NXPH1: variants seen among roughly 807,000 people sequenced by gnomAD.
NXPH1 encodes neurexophilin-1.
NXPH1 carries 5 observed loss-of-function variants against 23.7 expected under a neutral mutation model. That is an observed-to-expected ratio of 0.21 (90% CI 0.11 to 0.44). The LOEUF (loss-of-function observed/expected upper bound fraction) is 0.44. NXPH1 is among the 20% of genes least tolerant of loss of function. NXPH1 has a pLI of 0.99. For synonymous variants in NXPH1, 144 were observed against 122.2 expected, an observed-to-expected ratio of 1.18 and a Z score of -1.18; for missense variants, 324 against 321.6, an observed-to-expected ratio of 1.01 and a Z score of -0.06.
intron 2 of NXPH1, among the ~76,000 whole-genome samples, chr7:8,654,715 G>A (rs750103287): frequency 6.6e-6 from 1 of 152,114 alleles, no homozygotes; most frequent in African/African-American, 2.4e-5. Flanking sequence ...CATACTTTAT[G>A]TTTGGGAAGA....
Position 8,752,011 on chromosome 7 carries a change from A to C in NXPH1, c.*242A>C. 2.1e-6 allele frequency: 1 copy of C among 471,228 alleles called. No homozygotes were observed. Among genetic ancestry groups the C allele is most frequent in the South Asian group, 3.3e-5 (1 of 30,766 alleles). 29.2% of individuals were successfully genotyped at this position (471,228 alleles called of 1,614,324 possible). On this transcript the variant is annotated 3_prime_UTR_variant, in exon 3 of 3. Transcript: ENST00000405863. Reference sequence around the variant, plus strand: ...AATTCACACCTGAAGACATGCTCTCACATATAGAGGTACACAAACACACCG... The same window carrying C: ...AATTCACACCTGAAGACATGCTCTCCCATATAGAGGTACACAAACACACCG...
At chr7:8,678,396 T>C (rs1820987639) in intron 2 of NXPH1, among the ~76,000 whole-genome samples, 1 of 152,232 alleles carries the variant, frequency 6.6e-6, no homozygotes, top group East Asian at 1.9e-4. Context: ...CTCTCTTATG[T>C]ACCCTTTCCC....
intron 2 of NXPH1, among the ~76,000 whole-genome samples, chr7:8,682,002 G>A (rs1821057841): frequency 6.6e-6 from 1 of 152,168 alleles, no homozygotes; most frequent in African/African-American, 2.4e-5. Context: ...AGGAGGCAAG[G>A]GAGGAGAAAA....
At chr7:8,668,872 C>G (rs1244612498) in intron 2 of NXPH1, among the ~76,000 whole-genome samples, 2 of 151,686 alleles carry the variant, frequency 1.3e-5, no homozygotes, top group Non-Finnish European at 2.9e-5. Context: ...ACTCAGGGGT[C>G]TACTGTAGTT....
At chr7:8,666,158 C>T (rs1353378630) in intron 2 of NXPH1, among the ~76,000 whole-genome samples, 1 of 151,852 alleles carries the variant, frequency 6.6e-6, no homozygotes, top group Non-Finnish European at 1.5e-5. Flanking sequence ...GTTTTCACCA[C>T]TGAGTATGTT....
intron 2 of NXPH1, among the ~76,000 whole-genome samples, chr7:8,584,756 A>G (rs1483526143): frequency 1.3e-5 from 2 of 152,226 alleles, no homozygotes; most frequent in Non-Finnish European, 2.9e-5. Context: ...TGTGTTCACC[A>G]TTTAAACATC....
intron 2 of NXPH1, among the ~76,000 whole-genome samples, chr7:8,713,557 T>C: frequency 6.6e-6 from 1 of 152,078 alleles, no homozygotes; most frequent in East Asian, 1.9e-4. Context: ...TATATTGTAG[T>C]CTTTGCAACC....
rs944895995 is a variant in NXPH1 at position 8,439,097 on chromosome 7, C to A, written c.54+3330C>A. On this transcript the variant is annotated intron_variant, in intron 2 of 2. Transcript: ENST00000405863. Reference sequence around the variant, plus strand: ...AGCCTGAATTCAATAGGAGAGAAGTCTATGGTTAACAACGCTTATTAAAAA... The same window carrying A: ...AGCCTGAATTCAATAGGAGAGAAGTATATGGTTAACAACGCTTATTAAAAA... Among the ~76,000 whole-genome samples, 3 of 152,012 alleles carry A rather than the reference C, an allele frequency of 2.0e-5. No individual in the cohort carries two copies. In the East Asian group the frequency reaches 5.8e-4, roughly 29 times the overall value.
chr7:8,467,531 C>T (rs535338112), intron 2 of NXPH1, among the ~76,000 whole-genome samples: 2 of 152,218 alleles, frequency 1.3e-5, no homozygotes, highest in African/African-American at 4.8e-5. Flanking sequence ...ATGTTGTTAA[C>T]TTTCTAAAAA....
intron 2 of NXPH1, among the ~76,000 whole-genome samples, chr7:8,463,353 T>G (rs913369339): frequency 6.6e-6 from 1 of 152,100 alleles, no homozygotes; most frequent in African/African-American, 2.4e-5. Context: ...ATTTACTTAT[T>G]GAAGTCCTCA....
At position 8,468,139 on chromosome 7, in the gene NXPH1, T is replaced by C. The variant is rs539775317; in HGVS notation, c.54+32372T>C. On this transcript the variant is annotated intron_variant, in intron 2 of 2. Coordinates refer to ENST00000405863, the MANE Select transcript of NXPH1 (RefSeq NM_152745.3). ...CCAAAATTTCTAAAACAAAGCAGGC[T>C]ATAGAATAAATAATCAATATAAATG... Among the ~76,000 whole-genome samples, 95 of 152,254 alleles carry C rather than the reference T, an allele frequency of 6.2e-4. No homozygotes were observed. The South Asian group carries it at 0.019, about 30-fold the overall frequency.
intron 2 of NXPH1, among the ~76,000 whole-genome samples, chr7:8,600,233 T>G (rs1407935052): frequency 6.6e-6 from 1 of 152,174 alleles, no homozygotes; most frequent in Non-Finnish European, 1.5e-5. Context: ...GTTGACTTTT[T>G]AACCGAATCC....
chr7:8,721,671 G>A (rs139375369), intron 2 of NXPH1, among the ~76,000 whole-genome samples: 137 of 152,266 alleles, frequency 9.0e-4, no homozygotes, highest in African/African-American at 3.1e-3. Flanking sequence ...CCAGCTACTC[G>A]GGAGGCTGAG....
At chr7:8,669,972 G>A (rs1271593747) in intron 2 of NXPH1, among the ~76,000 whole-genome samples, 1 of 152,150 alleles carries the variant, frequency 6.6e-6, no homozygotes, top group Non-Finnish European at 1.5e-5. Context: ...GTCCTATTCT[G>A]CCATATTGCT....
chr7:8,499,978 GTT>G (rs1817404288), intron 2 of NXPH1, among the ~76,000 whole-genome samples: 1 of 152,056 alleles, frequency 6.6e-6, no homozygotes, highest in African/African-American at 2.4e-5. Flanking sequence ...TTTATGGTTT[GTT>G]TTGTATGGAT....
intron 2 of NXPH1, among the ~76,000 whole-genome samples, chr7:8,719,266 C>A (rs1418045075): frequency 6.6e-6 from 1 of 152,140 alleles, no homozygotes; most frequent in South Asian, 2.1e-4. Context: ...CAGGTCATGG[C>A]CTACTTGGCC....
intron 2 of NXPH1, among the ~76,000 whole-genome samples, chr7:8,537,057 A>G (rs992827768): frequency 4.6e-5 from 7 of 151,988 alleles, no homozygotes; most frequent in Non-Finnish European, 1.0e-4. Flanking sequence ...GATGTTTGGA[A>G]ATAATTTTTA....
At chr7:8,465,812 T>C (rs762566849) in intron 2 of NXPH1, among the ~76,000 whole-genome samples, 71 of 152,226 alleles carry the variant, frequency 4.7e-4, no homozygotes, top group Admixed American at 3.3e-4. Context: ...ATGACTCTCA[T>C]GGGGATTACA....
chr7:8,659,333 G>T (rs1463821124), intron 2 of NXPH1, among the ~76,000 whole-genome samples: 1 of 152,140 alleles, frequency 6.6e-6, no homozygotes, highest in African/African-American at 2.4e-5. Context: ...TCTATTAAGG[G>T]TATCAGAAGA....
Sources: allele counts gnomAD v4.1 joint callset (sites outside exome capture counted in the v4.1 genomes callset), GRCh38; gene constraint gnomAD v4.1.1; transcripts MANE v1.5; gene names NCBI Gene and HGNC (gene_info 2026-07-23, HGNC 2026-07-21).